SUN1: variants seen among roughly 807,000 people sequenced by gnomAD.
SUN1 encodes Sad1 and UNC84 domain containing 1.
In SUN1, 61 loss-of-function variants were observed where a neutral mutation model predicts 103.2. The observed-to-expected ratio is 0.59, with a 90% CI of 0.48 to 0.73. SUN1 has a LOEUF of 0.73. Ranked by LOEUF, SUN1 falls within the 30% of genes least tolerant of loss-of-function variation. SUN1 has a pLI of 0.00. For synonymous variants in SUN1, 490 were observed against 425.7 expected (o/e 1.15, Z -1.86); for missense variants, 1,052 against 1,034.6 (o/e 1.02, Z -0.23).
At chr7:852,405 G>T in intron 7 of SUN1, 1 of 644,290 alleles carries the variant, frequency 1.6e-6, no homozygotes, top group African/African-American at 1.8e-5. Context: ...CACAGCACCA[G>T]AGAGTTGGTA....
intron 1 of SUN1, among the ~76,000 whole-genome samples, chr7:838,087 C>T (rs982478844): frequency 2.0e-5 from 3 of 152,242 alleles, no homozygotes; most frequent in African/African-American, 7.2e-5. Flanking sequence ...GGGTCTAGCT[C>T]TGTTGCCCAG....
chr7:854,112 A>G (rs1824810407), intron 10 of SUN1, among the ~76,000 whole-genome samples: 1 of 152,214 alleles, frequency 6.6e-6, no homozygotes, highest in Non-Finnish European at 1.5e-5. Context: ...TCTCTTGTGA[A>G]GAAAACAGCC....
chr7:873,562 A>T lies in SUN1; in HGVS notation c.*231A>T. ...GTCAGCAGCAGGAGAAGCGTGTTGA[A>T]CACGTGGCTCTCAGACACTCCTTGT... On this transcript the variant is annotated 3_prime_UTR_variant, in exon 19 of 19. Transcript: ENST00000401592. The T allele has an allele frequency of 2.0e-6, 1 of 489,362 alleles. No homozygotes were observed. The highest frequency in any genetic ancestry group is 3.0e-5 in the South Asian group (1 of 33,232). 30.3% of individuals were successfully genotyped at this position (489,362 alleles called of 1,614,324 possible).
At chr7:863,117 G>A (rs1833525567) in intron 15 of SUN1, among the ~76,000 whole-genome samples, 1 of 152,174 alleles carries the variant, frequency 6.6e-6, no homozygotes, top group Non-Finnish European at 1.5e-5. Flanking sequence ...ACTCCAGCCT[G>A]GGTGACAGAG....
chr7:836,777 A>G (rs1803656505), intron 1 of SUN1, among the ~76,000 whole-genome samples: 3 of 152,236 alleles, frequency 2.0e-5, no homozygotes, highest in Admixed American at 6.5e-5. Flanking sequence ...TGAGCGCCCA[A>G]GGCCCAGTCA....
chr7:869,308 C>A, intron 16 of SUN1, 41 bp from the exon 17 acceptor site: 1 of 1,595,998 alleles, frequency 6.3e-7, no homozygotes, highest in Non-Finnish European at 8.6e-7. Context: ...TGGGTAAGAG[C>A]ATGCTCACAC....
chr7:850,079 C>CT, intron 5 of SUN1: 1 of 1,488,292 alleles, frequency 6.7e-7, no homozygotes, highest in Non-Finnish European at 9.1e-7. Flanking sequence ...TGTCACCATG[C>CT]TATTTGTGTC....
chr7:840,767 G>C (rs1252233449), intron 2 of SUN1, among the ~76,000 whole-genome samples: 2 of 149,270 alleles, frequency 1.3e-5, no homozygotes, highest in Non-Finnish European at 3.0e-5. Flanking sequence ...TCAGCCTCCC[G>C]AGTAGCTGGG....
Position 873,552 on chromosome 7 carries a change from A to AC in SUN1, c.*221_*222insC, listed in dbSNP as rs1843035188. ...GTGCAGAGGGGTCAGCAGCAGGAGA[A>AC]GCGTGTTGAACACGTGGCTCTCAGA... On this transcript the variant is annotated 3_prime_UTR_variant, in exon 19 of 19. Transcript: ENST00000401592. 1 of 512,286 alleles carries AC rather than the reference A, an allele frequency of 2.0e-6. No individual in the cohort carries two copies. Among genetic ancestry groups the AC allele is most frequent in the Non-Finnish European group, 3.5e-6 (1 of 287,942 alleles). 31.7% of individuals were successfully genotyped at this position (512,286 alleles called of 1,614,324 possible). A position where few individuals can be genotyped will look rare whatever the true frequency, so the allele number is the denominator to read the frequency against.
chr7:850,007 C>G, intron 5 of SUN1: 2 of 1,598,294 alleles, frequency 1.3e-6, no homozygotes, highest in Non-Finnish European at 1.7e-6. Flanking sequence ...CGGGCAGGGA[C>G]CCTCTGGCAC....
chr7:845,933 C>T (rs1446243852), intron 5 of SUN1, among the ~76,000 whole-genome samples: 2 of 151,894 alleles, frequency 1.3e-5, no homozygotes, highest in African/African-American at 4.8e-5. Context: ...TCTCGTCAGC[C>T]TCCCCGGTGC....
At chr7:862,909 T>G (rs995416048) in intron 15 of SUN1, among the ~76,000 whole-genome samples, 1 of 152,214 alleles carries the variant, frequency 6.6e-6, no homozygotes, top group East Asian at 1.9e-4. Flanking sequence ...CCCAGCACTT[T>G]AGGAGACCAA....
chr7:819,049 G>T (rs1273764778), intron 1 of SUN1, among the ~76,000 whole-genome samples: 1 of 152,048 alleles, frequency 6.6e-6, no homozygotes, highest in Admixed American at 6.6e-5. Context: ...TTTTAGTAGA[G>T]ATGGGGTTTC....
rs368751071 is a variant in SUN1, at chr7:871,689, C to A, written c.2149-781C>A. The stretch of plus-strand genomic sequence containing the variant: ...AGGCGTGAGCCACTGTGCCCCACCC[C>A]GTATTTTTATTTCACTGGTGATTAT... On this transcript the variant is annotated intron_variant, in intron 17 of 18. Coordinates refer to ENST00000401592, the MANE Select transcript of SUN1 (RefSeq NM_001130965.3). Among the ~76,000 whole-genome samples the A allele has an allele frequency of 4.6e-5, 7 of 152,274 alleles. No homozygotes were observed. The East Asian group carries it at 7.7e-4, about 17-fold the overall frequency.
At chr7:849,281 T>C (rs1026649363) in intron 5 of SUN1, among the ~76,000 whole-genome samples, 3 of 152,202 alleles carry the variant, frequency 2.0e-5, no homozygotes, top group Non-Finnish European at 4.4e-5. Flanking sequence ...GGCCAATCTT[T>C]GTATTGTTTG....
chr7:823,627 C>T (rs1297575298), intron 1 of SUN1, among the ~76,000 whole-genome samples: 1 of 152,134 alleles, frequency 6.6e-6, no homozygotes, highest in African/African-American at 2.4e-5. Flanking sequence ...TGTGTGCAGG[C>T]AGCCATGGGG....
intron 1 of SUN1, among the ~76,000 whole-genome samples, chr7:837,208 G>A (rs1314348693): frequency 6.6e-6 from 1 of 152,210 alleles, no homozygotes; most frequent in Non-Finnish European, 1.5e-5. Context: ...GGGTGAGCAG[G>A]GTTCCGTGGC....
chr7:849,553 G>C (rs1356623125), intron 5 of SUN1: 1 of 1,401,608 alleles, frequency 7.1e-7, no homozygotes, highest in Non-Finnish European at 9.6e-7. Context: ...ATGAATGTGA[G>C]AGAGGTTCTC....
rs780757082 is a variant in SUN1, at chr7:834,591, G to A, written c.77+1990G>A. Among the ~76,000 whole-genome samples, 4 of 152,230 alleles carry A rather than the reference G, an allele frequency of 2.6e-5. No homozygotes were observed. The South Asian group carries it at 6.2e-4, about 24-fold the overall frequency. On this transcript the variant is annotated intron_variant, in intron 1 of 18. Transcript: ENST00000401592. ...TCTGCTTCCTTTCCTTTGGCTCCTC[G>A]TAGCCCTGACCTCTTTTCTGAAAGT...
Sources: allele counts gnomAD v4.1 joint callset (sites outside exome capture counted in the v4.1 genomes callset), GRCh38; gene constraint gnomAD v4.1.1; transcripts MANE v1.5; gene names NCBI Gene and HGNC (gene_info 2026-07-23, HGNC 2026-07-21).